Variants in GGT1 observed in about 807,000 individuals in gnomAD.
GGT1 encodes the protein glutathione hydrolase 1 proenzyme.
A neutral mutation model predicts 56.0 loss-of-function variants in GGT1; 21 were observed. The ratio of observed to expected loss-of-function variants is 0.38; its 90% CI spans 0.27 to 0.54. The LOEUF (loss-of-function observed/expected upper bound fraction) is 0.54, where lower values mean the gene tolerates loss of function less well. Among genes scored for constraint, GGT1 ranks in the 20% least tolerant of loss-of-function variants. GGT1 has a pLI of 0.82. For missense variants in GGT1, 466 were observed against 787.0 expected, an observed-to-expected ratio of 0.59 and a Z score of 4.88; for synonymous variants, 238 against 342.6, an observed-to-expected ratio of 0.69 and a Z score of 3.37.
At chr22:24,589,534 A>T in the GGT1 span, 1 of 455,966 alleles carries the variant, frequency 2.2e-6, no homozygotes. Flanking sequence ...GCCCAGCTAT[A>T]GTCTTCCTGG....
At chr22:24,594,252 T>A (rs574608461), upstream of GGT1, among the ~76,000 whole-genome samples, 43 of 152,180 alleles carry the variant, frequency 2.8e-4, no homozygotes, top group African/African-American at 9.9e-4. Context: ...GGGGAACGTT[T>A]GAGGCACTGA....
At chr22:24,615,694 T>C (rs915696866) in intron 7 of GGT1, among the ~76,000 whole-genome samples, 3 of 152,180 alleles carry the variant, frequency 2.0e-5, no homozygotes, top group African/African-American at 7.2e-5. Flanking sequence ...GTCTCTCTTT[T>C]CTAATCTGGT....
chr22:24,626,808 G>A (rs2047811382), intron 11 of GGT1, among the ~76,000 whole-genome samples: 1 of 151,244 alleles, frequency 6.6e-6, no homozygotes, highest in African/African-American at 2.4e-5. Context: ...GTTGTTATGG[G>A]ACCTAGGAAG....
chr22:24,622,592 A>G (rs575965027), intron 9 of GGT1, among the ~76,000 whole-genome samples: 9 of 152,154 alleles, frequency 5.9e-5, no homozygotes, highest in Admixed American at 3.9e-4. Flanking sequence ...AGCAAAACAC[A>G]ACAAAAAAAT....
chr22:24,589,362 C>T, the GGT1 span: 10 of 1,128,530 alleles, frequency 8.9e-6, no homozygotes, highest in African/African-American at 1.7e-5. Context: ...AGTGAGCACC[C>T]GTCCGCAAGG....
chr22:24,620,571 A>G lies in GGT1; in HGVS notation c.575+51A>G. 6.2e-7 allele frequency: 1 copy of G among 1,608,890 alleles called. No homozygotes were observed. The highest frequency in any genetic ancestry group is 2.2e-5 in the East Asian group (1 of 44,856). The stretch of plus-strand genomic sequence containing the variant: ...ACACAGGCAGGGCAGGCACAGCCCA[A>G]GGACCTTGCAGGCCGTAGCAGCAGT... On this transcript the variant is annotated intron_variant, in intron 8 of 15. Transcript: ENST00000400382. This position sits in a 1 kb window ranked among gnomAD's most constrained non-coding sequence, Gnocchi z 5.6.
At chr22:24,584,511 A>G in the GGT1 span, among the ~76,000 whole-genome samples, 1 of 152,172 alleles carries the variant, frequency 6.6e-6, no homozygotes, top group Admixed American at 6.5e-5. Context: ...TTTTGCCCTG[A>G]GAAGCTGTTA....
rs532703921 is a variant in GGT1, at chr22:24,620,988, C to T, written c.651C>T (p.Tyr217=). 42 of 1,611,844 alleles carry T rather than the reference C, an allele frequency of 2.6e-5. No homozygotes were observed. The highest frequency in any genetic ancestry group is 6.7e-5 in the African/African-American group (5 of 74,970). Residue 217 remains tyrosine, a synonymous_variant, in exon 9 of 16, where the codon TAC becomes TAT. Transcript: ENST00000400382. The surrounding 1 kb of genome is among the most constrained non-coding windows in gnomAD (Gnocchi z 5.6). Reference sequence around the variant, plus strand: ...CCCTGCCGCAGCTGGCTGACACCTACGAGACGCTGGCCATCGAGGGTGCCC... The same window carrying T: ...CCCTGCCGCAGCTGGCTGACACCTATGAGACGCTGGCCATCGAGGGTGCCC... ...RLTLPQLADT[Y]ETLAIEGAQA...
intron 10 of GGT1, among the ~76,000 whole-genome samples, chr22:24,623,540 C>T (rs796482325): frequency 3.3e-5 from 5 of 150,128 alleles, no homozygotes; most frequent in African/African-American, 4.9e-5. Flanking sequence ...GAGGGTACCC[C>T]GGTCCAGTGG....
upstream of GGT1, among the ~76,000 whole-genome samples, chr22:24,601,182 T>C (rs1450190573): frequency 6.6e-6 from 1 of 152,186 alleles, no homozygotes; most frequent in East Asian, 1.9e-4. Context: ...TTCTGGAGTA[T>C]GGGCCAGGCA....
At chr22:24,586,811 G>A in the GGT1 span, among the ~76,000 whole-genome samples, 1 of 152,242 alleles carries the variant, frequency 6.6e-6, no homozygotes, top group Non-Finnish European at 1.5e-5. Context: ...GATTACAGGC[G>A]TGAGCCACTG....
At chr22:24,584,916 G>A in the GGT1 span, among the ~76,000 whole-genome samples, 2 of 151,958 alleles carry the variant, frequency 1.3e-5, no homozygotes, top group East Asian at 1.9e-4. Context: ...CCCTGATGGT[G>A]CTTGGGGAGG....
chr22:24,586,243 C>CAG, the GGT1 span: 1 of 1,613,764 alleles, frequency 6.2e-7, no homozygotes, highest in African/African-American at 1.3e-5. Flanking sequence ...GCAGGAGGTG[C>CAG]AGCAGCTCAT....
intron 11 of GGT1, 149 bp downstream of exon 11, chr22:24,624,065 G>A: frequency 3.3e-6 from 5 of 1,500,854 alleles, no homozygotes; most frequent in Non-Finnish European, 2.7e-6. Flanking sequence ...TGCTCGGATG[G>A]ACTCGTGGGT....
the GGT1 span, among the ~76,000 whole-genome samples, chr22:24,584,990 TGCTGGTGATGC>T: frequency 6.6e-6 from 1 of 152,044 alleles, no homozygotes; most frequent in Non-Finnish European, 1.5e-5. Context: ...GGCCCCCTGC[TGCTGGTGATGC>T]GCACCTCCAC....
chr22:24,591,401 T>C (rs1027518289), upstream of GGT1, among the ~76,000 whole-genome samples: 1 of 152,186 alleles, frequency 6.6e-6, no homozygotes, highest in African/African-American at 2.4e-5. Flanking sequence ...TTAGAGGACA[T>C]TTTGAGAGCT....
chr22:24,593,857 C>T (rs748200087), upstream of GGT1, among the ~76,000 whole-genome samples: 3 of 152,110 alleles, frequency 2.0e-5, no homozygotes, highest in Non-Finnish European at 2.9e-5. Flanking sequence ...GCTCACGCTA[C>T]ATGGACACTC....
upstream of GGT1, chr22:24,590,011 C>G: frequency 6.8e-7 from 1 of 1,478,170 alleles, no homozygotes; most frequent in Non-Finnish European, 9.0e-7. Flanking sequence ...AGGCACCACC[C>G]CAGCCAGCCA....
chr22:24,591,669 C>T (rs2147171987), upstream of GGT1, among the ~76,000 whole-genome samples: 1 of 152,340 alleles, frequency 6.6e-6, no homozygotes, highest in East Asian at 1.9e-4. Context: ...CTAAAATGCC[C>T]AACTGGTGTC....
Sources: gnomAD v4.1 joint callset for allele counts (sites outside exome capture counted in the v4.1 genomes callset) on GRCh38, gnomAD v4.1.1 for gene constraint, Gnocchi (gnomAD v3.1) non-coding constraint, MANE v1.5 for transcripts, NCBI Gene and HGNC (gene_info 2026-07-23, HGNC 2026-07-21) for gene names.